AGBL1: variants seen among roughly 807,000 people sequenced by gnomAD.
The protein encoded by AGBL1 is AGBL carboxypeptidase 1, also known as cytosolic carboxypeptidase 4.
AGBL1 carries 130 observed loss-of-function variants against 118.9 expected under a neutral mutation model. That is an observed-to-expected ratio of 1.09 (90% CI 0.95 to 1.26). The LOEUF is 1.26. AGBL1 is among the 50% of genes most tolerant of loss of function. The pLI, the probability that AGBL1 is intolerant of heterozygous loss-of-function variation, is 0.00. For missense variants in AGBL1, 1,584 were observed against 1,298.1 expected (o/e 1.22, Z -3.38); for synonymous variants, 555 against 478.9 (o/e 1.16, Z -2.08).
At chr15:86,571,172 AG>A (rs1256262374) in intron 21 of AGBL1, among the ~76,000 whole-genome samples, 1 of 152,172 alleles carries the variant, frequency 6.6e-6, no homozygotes, top group Non-Finnish European at 1.5e-5. Flanking sequence ...GGGGCCCCAA[AG>A]ATGGAGTCAC....
intron 22 of AGBL1, among the ~76,000 whole-genome samples, chr15:86,700,520 C>T (rs1226641432): frequency 1.3e-5 from 2 of 150,040 alleles, no homozygotes; most frequent in East Asian, 3.9e-4. Flanking sequence ...CAAAATCTCT[C>T]TTGAAGTGGT....
intron 5 of AGBL1, among the ~76,000 whole-genome samples, chr15:86,189,401 T>A (rs1272676968): frequency 6.6e-6 from 1 of 152,148 alleles, no homozygotes; most frequent in African/African-American, 2.4e-5. Flanking sequence ...AAATATTAAG[T>A]ATTCCATTGT....
intron 5 of AGBL1, among the ~76,000 whole-genome samples, chr15:86,192,225 TAAA>T (rs923696356): frequency 1.2e-4 from 18 of 150,544 alleles, no homozygotes; most frequent in African/African-American, 1.2e-4. Context: ...AAATTTATAA[TAAA>T]ATGCTTTTAT....
At chr15:86,160,289 A>G (rs2077249454) in intron 5 of AGBL1, among the ~76,000 whole-genome samples, 1 of 151,984 alleles carries the variant, frequency 6.6e-6, no homozygotes, top group African/African-American at 2.4e-5. Flanking sequence ...GGGACCAAAA[A>G]AATTTATTTT....
At chr15:86,201,961 A>G (rs1189117176) in intron 5 of AGBL1, among the ~76,000 whole-genome samples, 3 of 152,158 alleles carry the variant, frequency 2.0e-5, no homozygotes, top group Admixed American at 1.3e-4. Flanking sequence ...GAGTTCATCC[A>G]TTTAACCAAT....
intron 23 of AGBL1, among the ~76,000 whole-genome samples, chr15:86,985,049 A>T (rs550859497): frequency 1.3e-5 from 2 of 152,286 alleles, no homozygotes; most frequent in African/African-American, 4.8e-5. Context: ...AGATCCATCT[A>T]TGTGGTTGCA....
chr15:86,859,115 G>C (rs2079525629), intron 22 of AGBL1, among the ~76,000 whole-genome samples: 1 of 152,182 alleles, frequency 6.6e-6, no homozygotes, highest in South Asian at 2.1e-4. Context: ...AAGGCATATG[G>C]AATAGGGAAG....
chr15:86,596,602 T>C (rs927031613), intron 21 of AGBL1, among the ~76,000 whole-genome samples: 14 of 152,208 alleles, frequency 9.2e-5, no homozygotes, highest in East Asian at 7.7e-4. Flanking sequence ...TCTTTTTTTT[T>C]CCCCAGAGAT....
intron 22 of AGBL1, among the ~76,000 whole-genome samples, chr15:86,761,754 G>T (rs930358868): frequency 3.9e-5 from 6 of 152,044 alleles, no homozygotes; most frequent in African/African-American, 1.4e-4. Context: ...TGGATAGATT[G>T]CAATATTTCT....
At chr15:86,173,466 T>C (rs1185398950) in intron 5 of AGBL1, among the ~76,000 whole-genome samples, 1 of 152,148 alleles carries the variant, frequency 6.6e-6, no homozygotes, top group Non-Finnish European at 1.5e-5. Context: ...ATTTGTCTGT[T>C]TGTGTTTTTG....
intron 18 of AGBL1, among the ~76,000 whole-genome samples, chr15:86,424,705 C>G (rs1404303938): frequency 1.3e-5 from 2 of 152,124 alleles, no homozygotes; most frequent in African/African-American, 2.4e-5. Context: ...AAAAAACCAA[C>G]AACCCCATCA....
At chr15:86,585,776 A>C (rs1292754875) in intron 21 of AGBL1, among the ~76,000 whole-genome samples, 2 of 152,224 alleles carry the variant, frequency 1.3e-5, no homozygotes, top group East Asian at 3.8e-4. Flanking sequence ...CTCTGTCATC[A>C]CTTGGTTATT....
At chr15:86,114,381 C>T (rs747244980) in intron 1 of AGBL1, among the ~76,000 whole-genome samples, 28 of 152,142 alleles carry the variant, frequency 1.8e-4, no homozygotes, top group Admixed American at 7.9e-4. Context: ...AGGTGGCCTG[C>T]GTCTTCTACT....
At chr15:86,309,493 A>G (rs2079888898) in intron 17 of AGBL1, among the ~76,000 whole-genome samples, 1 of 152,202 alleles carries the variant, frequency 6.6e-6, no homozygotes, top group Non-Finnish European at 1.5e-5. Flanking sequence ...CTGATCTTAG[A>G]GGAAAAGCTT....
chr15:86,666,984 A>T (rs968640602), intron 21 of AGBL1, among the ~76,000 whole-genome samples: 1 of 152,090 alleles, frequency 6.6e-6, no homozygotes. Flanking sequence ...CTCATATGAG[A>T]TGACTTGTAT....
intron 22 of AGBL1, among the ~76,000 whole-genome samples, chr15:86,821,967 C>T (rs559231744): frequency 1.4e-4 from 22 of 152,236 alleles, no homozygotes; most frequent in Middle Eastern, 3.4e-3. Context: ...GGTCACCTTT[C>T]GGCTCCTGTC....
chr15:86,511,456 T>C (rs1320741253), intron 18 of AGBL1, among the ~76,000 whole-genome samples: 1 of 152,030 alleles, frequency 6.6e-6, no homozygotes, highest in African/African-American at 2.4e-5. Context: ...GGATAAATCA[T>C]GCTAATTAGA....
intron 18 of AGBL1, among the ~76,000 whole-genome samples, chr15:86,478,384 T>A (rs1464864827): frequency 6.6e-6 from 1 of 152,202 alleles, no homozygotes; most frequent in African/African-American, 2.4e-5. Context: ...TTCAGCAAAG[T>A]CTCAGGATAC....
At chr15:86,247,551 A>G (rs1228155493) in intron 6 of AGBL1, 120 bp from the exon 7 acceptor site, 4 of 1,122,554 alleles carry the variant, frequency 3.6e-6, no homozygotes, top group Non-Finnish European at 4.0e-6. Flanking sequence ...TTTTCATACT[A>G]AAATGTTATT....
Sources: allele counts gnomAD v4.1 joint callset (sites outside exome capture counted in the v4.1 genomes callset), GRCh38; gene constraint gnomAD v4.1.1; transcripts MANE v1.5; gene names NCBI Gene and HGNC (gene_info 2026-07-23, HGNC 2026-07-21).